Variants in ADARB2 observed in about 807,000 individuals in gnomAD.
ADARB2 encodes the protein adenosine deaminase RNA specific B2 (inactive).
In ADARB2, 25 loss-of-function variants were observed where a neutral mutation model predicts 62.2. The ratio of observed to expected loss-of-function variants is 0.40; its 90% CI spans 0.29 to 0.56. The LOEUF (loss-of-function observed/expected upper bound fraction) is 0.56, where lower values mean the gene tolerates loss of function less well. ADARB2 is among the 20% of genes least tolerant of loss of function. ADARB2 has a pLI of 0.43. For missense variants in ADARB2, 1,071 were observed against 1,077.4 expected, an observed-to-expected ratio of 0.99 and a Z score of 0.08; for synonymous variants, 572 against 500.8, an observed-to-expected ratio of 1.14 and a Z score of -1.90.
chr10:1,670,346 G>T (rs1406714818), intron 1 of ADARB2, among the ~76,000 whole-genome samples: 1 of 152,196 alleles, frequency 6.6e-6, no homozygotes, highest in East Asian at 1.9e-4. Context: ...TTGAACAGGG[G>T]TCCTTAGAGG....
chr10:1,302,278 G>A (rs768961286), intron 3 of ADARB2, among the ~76,000 whole-genome samples: 16 of 152,180 alleles, frequency 1.1e-4, no homozygotes, highest in Non-Finnish European at 2.1e-4. Context: ...GACGGCACCT[G>A]GAAAATCCGG....
intron 3 of ADARB2, among the ~76,000 whole-genome samples, chr10:1,342,230 C>T (rs1832036601): frequency 6.6e-6 from 1 of 152,128 alleles, no homozygotes; most frequent in Non-Finnish European, 1.5e-5. Context: ...CCCATTTTAT[C>T]ATTAAAACCA....
chr10:1,647,861 TGTGTGTATGTGTG>T (rs975064998), intron 1 of ADARB2, among the ~76,000 whole-genome samples: 6 of 152,022 alleles, frequency 3.9e-5, no homozygotes, highest in African/African-American at 1.5e-4. Context: ...TATGTGTATG[TGTGTGTATGTGTG>T]GTGTGTCTAT....
At chr10:1,385,150 T>A (rs1182897152) in intron 1 of ADARB2, among the ~76,000 whole-genome samples, 1 of 152,142 alleles carries the variant, frequency 6.6e-6, no homozygotes, top group African/African-American at 2.4e-5. Flanking sequence ...AGTAATAATC[T>A]ACCTGCTAGA....
intron 4 of ADARB2, among the ~76,000 whole-genome samples, chr10:1,254,264 G>A (rs1049202715): frequency 1.3e-5 from 2 of 151,776 alleles, no homozygotes; most frequent in Non-Finnish European, 2.9e-5. Flanking sequence ...GTGCCTGTGA[G>A]GCAGTAGTAG....
intron 1 of ADARB2, among the ~76,000 whole-genome samples, chr10:1,723,832 C>T (rs560407484): frequency 3.1e-4 from 47 of 152,268 alleles, no homozygotes; most frequent in African/African-American, 1.1e-3. Flanking sequence ...TAGTTCAATT[C>T]CAAAAGTATT....
chr10:1,604,198 C>T (rs1833467096), intron 1 of ADARB2, among the ~76,000 whole-genome samples: 1 of 152,170 alleles, frequency 6.6e-6, no homozygotes, highest in South Asian at 2.1e-4. Context: ...TTTTCAGCTA[C>T]TACAGAACCC....
At position 1,549,122 on chromosome 10, in the gene ADARB2, C is replaced by T. The variant is rs538721305; in HGVS notation, c.101-169962G>A. Among the ~76,000 whole-genome samples the T allele has an allele frequency of 4.3e-5, 6 of 139,510 alleles. No individual in the cohort carries two copies. The South Asian group carries it at 9.0e-4, about 21-fold the overall frequency. The allele number at this position is 139,510 out of a possible 152,430, so 91.5% of individuals were successfully genotyped here. A position where few individuals can be genotyped will look rare whatever the true frequency, so the allele number is the denominator to read the frequency against. ...GGAGCAGAGGCTGGCGTCCGGTACA[C>T]GGAGTTCGAAACACTAGGGGGGAAT... On this transcript the variant is annotated intron_variant, in intron 1 of 9. Transcript: ENST00000381312.
At chr10:1,574,968 T>C (rs1588308308) in intron 1 of ADARB2, among the ~76,000 whole-genome samples, 2 of 28,192 alleles carry the variant, frequency 7.1e-5, no homozygotes, top group South Asian at 9.3e-4. Flanking sequence ...AGGGGCTGAG[T>C]TGACAGAAAA....
intron 6 of ADARB2, among the ~76,000 whole-genome samples, chr10:1,223,122 G>C (rs967476551): frequency 5.9e-5 from 9 of 152,092 alleles, no homozygotes; most frequent in African/African-American, 1.9e-4. Flanking sequence ...TCCTTGAAGA[G>C]GTCCTTCACA....
intron 4 of ADARB2, among the ~76,000 whole-genome samples, chr10:1,246,658 C>T (rs1430566875): frequency 9.8e-6 from 1 of 102,256 alleles, no homozygotes; most frequent in Non-Finnish European, 2.0e-5. Context: ...AGATATGCGG[C>T]GTTATTTCTG....
intron 1 of ADARB2, among the ~76,000 whole-genome samples, chr10:1,421,141 G>A (rs1226019775): frequency 6.6e-6 from 1 of 152,080 alleles, no homozygotes; most frequent in African/African-American, 2.4e-5. Flanking sequence ...GGCTGGAGGA[G>A]GGCGGGGGCT....
At chr10:1,674,809 A>C (rs1280321637) in intron 1 of ADARB2, among the ~76,000 whole-genome samples, 2 of 152,340 alleles carry the variant, frequency 1.3e-5, no homozygotes, top group African/African-American at 4.8e-5. Context: ...TTCAAGTCGG[A>C]AAGCCCCTGA....
At chr10:1,276,546 C>G (rs1318328329) in intron 3 of ADARB2, among the ~76,000 whole-genome samples, 2 of 152,072 alleles carry the variant, frequency 1.3e-5, no homozygotes, top group African/African-American at 2.4e-5. Flanking sequence ...GCTTTCGTTG[C>G]TTTAGACATG....
intron 1 of ADARB2, among the ~76,000 whole-genome samples, chr10:1,596,365 T>C (rs1413177646): frequency 2.0e-5 from 3 of 152,206 alleles, no homozygotes; most frequent in African/African-American, 7.2e-5. Context: ...AAATCTTCCA[T>C]GAAGAGGGAT....
rs1554755021 is a variant in ADARB2, at chr10:1,337,082, G to GTGTGTGTGTA, written c.1077+25945_1077+25946insTACACACACA. Reference sequence around the variant, plus strand: ...GATTTCTGTGTGTGTGTGTGTGTGTGTGTGTGTGTGTTTTAGATATAACCA... The same window carrying GTGTGTGTGTA: ...GATTTCTGTGTGTGTGTGTGTGTGTGTGTGTGTGTATGTGTGTGTGTTTTAGATATAACCA... On this transcript the variant is annotated intron_variant, in intron 3 of 9. Coordinates refer to ENST00000381312, the MANE Select transcript of ADARB2 (RefSeq NM_018702.4). 5.2e-3 allele frequency among the ~76,000 whole-genome samples: 790 copies of GTGTGTGTGTA among 151,518 alleles called. 8 individuals are homozygous for GTGTGTGTGTA. Among genetic ancestry groups the GTGTGTGTGTA allele is most frequent in the African/African-American group, 0.018 (723 of 41,186 alleles).
At chr10:1,529,772 T>C (rs1832200059) in intron 1 of ADARB2, among the ~76,000 whole-genome samples, 1 of 152,216 alleles carries the variant, frequency 6.6e-6, no homozygotes, top group South Asian at 2.1e-4. Context: ...TGCTGCTGCA[T>C]GTAGAGGGCA....
At chr10:1,418,406 C>T (rs2131883427) in intron 1 of ADARB2, among the ~76,000 whole-genome samples, 1 of 152,306 alleles carries the variant, frequency 6.6e-6, no homozygotes, top group South Asian at 2.1e-4. Flanking sequence ...TGGCAGATCC[C>T]CTGCCGAGAC....
At chr10:1,403,029 C>T (rs1459830885) in intron 1 of ADARB2, among the ~76,000 whole-genome samples, 2 of 149,604 alleles carry the variant, frequency 1.3e-5, no homozygotes, top group East Asian at 4.1e-4. Flanking sequence ...CCTGCTGGGG[C>T]AGGTGCGCTC....
Sources: allele counts gnomAD v4.1 joint callset (sites outside exome capture counted in the v4.1 genomes callset), GRCh38; gene constraint gnomAD v4.1.1; transcripts MANE v1.5; gene names NCBI Gene and HGNC (gene_info 2026-07-23, HGNC 2026-07-21).